CASZ1: variants seen among roughly 807,000 people sequenced by gnomAD.
The protein encoded by CASZ1 is zinc finger protein castor homolog 1.
In CASZ1, 28 loss-of-function variants were observed where a neutral mutation model predicts 135.2. The ratio of observed to expected loss-of-function variants is 0.21; its 90% CI spans 0.15 to 0.28. The LOEUF is 0.28. Among genes scored for constraint, CASZ1 ranks in the 10% least tolerant of loss-of-function variants. The pLI, the probability that CASZ1 is intolerant of heterozygous loss-of-function variation, is 1.00. For missense variants in CASZ1, 2,161 were observed against 2,453.3 expected, an observed-to-expected ratio of 0.88 and a Z score of 2.52; for synonymous variants, 1,068 against 1,073.4, an observed-to-expected ratio of 0.99 and a Z score of 0.10.
intron 20 of CASZ1, among the ~76,000 whole-genome samples, chr1:10,641,889 A>G (rs984318006): frequency 5.3e-5 from 8 of 152,052 alleles, no homozygotes; most frequent in Non-Finnish European, 8.8e-5. Context: ...AGTCTCGGGG[A>G]TGCTTGGCTG....
chr1:10,658,263 G>C (rs79177945), intron 7 of CASZ1: 21 of 510,560 alleles, frequency 4.1e-5, no homozygotes, highest in Non-Finnish European at 7.5e-5. Flanking sequence ...TCGGGACCCC[G>C]GCCCTAACTG....
At chr1:10,712,718 A>ACC (rs578136470) in intron 2 of CASZ1, among the ~76,000 whole-genome samples, 6 of 151,052 alleles carry the variant, frequency 4.0e-5, no homozygotes, top group African/African-American at 1.5e-4. Flanking sequence ...TCCCCTTAGG[A>ACC]CCCCCCCGCT....
chr1:10,729,988 T>C (rs1353975800), intron 2 of CASZ1, among the ~76,000 whole-genome samples: 1 of 152,118 alleles, frequency 6.6e-6, no homozygotes, highest in Non-Finnish European at 1.5e-5. Flanking sequence ...CTAATTTTTG[T>C]ATTTTTAGTA....
intron 2 of CASZ1, among the ~76,000 whole-genome samples, chr1:10,715,457 G>C (rs1238112524): frequency 6.6e-6 from 1 of 151,802 alleles, no homozygotes; most frequent in Non-Finnish European, 1.5e-5. Flanking sequence ...AGGCAGCAGA[G>C]ATGCCTCCTC....
At chr1:10,661,949 G>T (rs1054311358) in intron 5 of CASZ1, among the ~76,000 whole-genome samples, 1 of 139,728 alleles carries the variant, frequency 7.2e-6, no homozygotes. Context: ...GCACTCATAC[G>T]CCATCACATA....
At position 10,650,673 on chromosome 1, in the gene CASZ1, T is replaced by A. The variant is rs1484305024; in HGVS notation, c.2880+19A>T. ...TCTCTGGGTGGGGGAACGGGAGGCGTGTGATGGATGGCTCTTACCTTATTC... is the reference window on the plus strand; with the variant it reads ...TCTCTGGGTGGGGGAACGGGAGGCGAGTGATGGATGGCTCTTACCTTATTC... On this transcript the variant is annotated intron_variant, in intron 13 of 20. Transcript: ENST00000377022. 1 of 1,603,802 alleles carries A rather than the reference T, an allele frequency of 6.2e-7. No homozygotes were observed. Among genetic ancestry groups the A allele is most frequent in the Admixed American group, 1.7e-5 (1 of 60,002 alleles).
At chr1:10,687,871 C>T (rs143269361) in intron 4 of CASZ1, among the ~76,000 whole-genome samples, 4 of 152,332 alleles carry the variant, frequency 2.6e-5, no homozygotes, top group Non-Finnish European at 5.9e-5. Context: ...TCACGTCATC[C>T]CAAATCCCAG....
chr1:10,645,113 G>A (rs1236808439), intron 17 of CASZ1, 25 bp from the exon 18 acceptor site: 1 of 1,605,272 alleles, frequency 6.2e-7, no homozygotes, highest in African/African-American at 1.3e-5. Context: ...GGGAGGGTCA[G>A]GACAGGCGGG....
intron 5 of CASZ1, among the ~76,000 whole-genome samples, chr1:10,663,736 G>A (rs1232189985): frequency 6.6e-6 from 1 of 152,252 alleles, no homozygotes; most frequent in Non-Finnish European, 1.5e-5. Context: ...AGGCTCCGCT[G>A]TCTGTGTCCT....
At position 10,794,458 on chromosome 1, in the gene CASZ1, T is replaced by A. The variant is rs1641025271; in HGVS notation, c.-234+2106A>T. On this transcript the variant is annotated intron_variant, in intron 1 of 20. Transcript: ENST00000377022. The surrounding 1 kb of genome is among the most constrained non-coding windows in gnomAD (Gnocchi z 5.6). ...GGTCAGAAACGCACACTCCGCCCCG[T>A]GGCCCAGTGATCCAGGTTTGGGGGA... is the stretch of plus-strand genomic sequence containing the variant. Among the ~76,000 whole-genome samples the A allele has an allele frequency of 6.8e-6, 1 of 148,052 alleles. No homozygotes were observed. The highest frequency in any genetic ancestry group is 1.5e-5 in the Non-Finnish European group (1 of 67,758).
At chr1:10,749,589 C>G (rs1183884878) in intron 2 of CASZ1, among the ~76,000 whole-genome samples, 1 of 152,054 alleles carries the variant, frequency 6.6e-6, no homozygotes, top group Non-Finnish European at 1.5e-5. Context: ...AGCCCCATTT[C>G]CCCCTTCAGC....
At chr1:10,688,729 T>A (rs1484440812) in intron 4 of CASZ1, among the ~76,000 whole-genome samples, 1 of 152,116 alleles carries the variant, frequency 6.6e-6, no homozygotes, top group African/African-American at 2.4e-5. Flanking sequence ...GAGTCGAGGG[T>A]GTCAGGGTGC....
intron 2 of CASZ1, among the ~76,000 whole-genome samples, chr1:10,746,633 C>T (rs945995545): frequency 1.8e-4 from 28 of 152,226 alleles, no homozygotes; most frequent in Admixed American, 4.6e-4. Context: ...CAGCACCTTG[C>T]ACCCCAACCA....
At chr1:10,662,242 T>C (rs66906568) in intron 5 of CASZ1, among the ~76,000 whole-genome samples, 37,909 of 135,296 alleles carry the variant, frequency 0.28, 5,419 homozygotes, top group Middle Eastern at 0.37. Flanking sequence ...CACACATACA[T>C]TGACACCCAC....
At position 10,676,513 on chromosome 1, in the gene CASZ1, C is replaced by T. The variant is rs1169477307; in HGVS notation, c.17-10942G>A. 6.6e-6 allele frequency among the ~76,000 whole-genome samples: 1 copy of T among 152,120 alleles called. No homozygotes were observed. Among genetic ancestry groups the T allele is most frequent in the East Asian group, 1.9e-4 (1 of 5,176 alleles). On this transcript the variant is annotated intron_variant, in intron 4 of 20. Transcript: ENST00000377022. The surrounding 1 kb of genome is among the most constrained non-coding windows in gnomAD (Gnocchi z 4.5). ...CCCCCGGGGAGGCCTCTCCACCATC[C>T]TCTGAACAAAGGGGCTCTCCTCCTG...
intron 2 of CASZ1, among the ~76,000 whole-genome samples, chr1:10,749,638 T>C (rs1044325980): frequency 3.9e-5 from 6 of 152,140 alleles, no homozygotes; most frequent in Admixed American, 1.3e-4. Context: ...ACCAGGCGAA[T>C]ACGGAGACTC....
At chr1:10,663,518 AG>A (rs775958783) in intron 5 of CASZ1, among the ~76,000 whole-genome samples, 9 of 152,326 alleles carry the variant, frequency 5.9e-5, no homozygotes, top group Non-Finnish European at 1.3e-4. Flanking sequence ...TGCTGGATTC[AG>A]TGGCTCAGGG....
Position 10,794,971 on chromosome 1 carries a change from C to A in CASZ1, c.-234+1593G>T, listed in dbSNP as rs956473504. Among the ~76,000 whole-genome samples, 1 of 151,890 alleles carries A rather than the reference C, an allele frequency of 6.6e-6. No homozygotes were observed. Among genetic ancestry groups the A allele is most frequent in the South Asian group, 2.1e-4 (1 of 4,822 alleles). On this transcript the variant is annotated intron_variant, in intron 1 of 20. Transcript: ENST00000377022. The surrounding 1 kb of genome is among the most constrained non-coding windows in gnomAD (Gnocchi z 5.6). ...CGCCACCCCGGCGGCCGCCCCCTCC[C>A]CTTCCAGACCCGGCTGCCCGGCCCG...
In CASZ1 at chr1:10,756,178, C is replaced by T. The variant is rs755914663; in HGVS notation, c.-77+4523G>A. On this transcript the variant is annotated intron_variant, in intron 2 of 20. Coordinates refer to ENST00000377022, the MANE Select transcript of CASZ1 (RefSeq NM_001079843.3). This position sits in a 1 kb window ranked among gnomAD's most constrained non-coding sequence, Gnocchi z 5.9. ...GGAGAGCCCCACCACTCCCGCAAGC[C>T]GCTGCCAGCCTGCACTTCTGCTCTC... Among the ~76,000 whole-genome samples, 16 of 152,146 alleles carry T rather than the reference C, an allele frequency of 1.1e-4. No homozygotes were observed. Among genetic ancestry groups the T allele is most frequent in the South Asian group, 2.1e-4 (1 of 4,814 alleles).
Sources: gnomAD v4.1 joint callset for allele counts (sites outside exome capture counted in the v4.1 genomes callset) on GRCh38, gnomAD v4.1.1 for gene constraint, Gnocchi (gnomAD v3.1) non-coding constraint, MANE v1.5 for transcripts, NCBI Gene and HGNC (gene_info 2026-07-23, HGNC 2026-07-21) for gene names.